The following BPHL variants were observed in gnomAD, a reference collection of about 807,000 sequenced individuals.
The protein encoded by BPHL is biphenyl hydrolase like, also known as serine hydrolase BPHL.
In BPHL, 27 loss-of-function variants were observed where a neutral mutation model predicts 31.2. The observed-to-expected ratio is 0.87, with a 90% confidence interval of 0.64 to 1.19. BPHL has a LOEUF of 1.19. BPHL is among the 50% of genes most tolerant of loss of function. The pLI, the probability that BPHL is intolerant of heterozygous loss-of-function variation, is 0.00. For synonymous variants in BPHL, 150 were observed against 146.8 expected, an observed-to-expected ratio of 1.02 and a Z score of -0.16; for missense variants, 356 against 375.7, an observed-to-expected ratio of 0.95 and a Z score of 0.43.
rs1052471126 is a variant in BPHL at position 3,140,648 on chromosome 6, C to T, written c.788+139C>T. 2.3e-5 allele frequency: 31 copies of T among 1,325,250 alleles called. No homozygotes were observed. Among genetic ancestry groups the T allele is most frequent in the African/African-American group, 7.3e-5 (5 of 68,228 alleles). 82.1% of individuals were successfully genotyped at this position (1,325,250 alleles called of 1,614,324 possible). On this transcript the variant is annotated intron_variant, in intron 6 of 6. Transcript: ENST00000380379. The surrounding 1 kb of genome is among the most constrained non-coding windows in gnomAD (Gnocchi z 5.2). Reference sequence around the variant, plus strand: ...TTTTGCCAATGCCAGTCAGTAGCACCGCTTTATTTAGGGTACCACGGAAGA... The same window carrying T: ...TTTTGCCAATGCCAGTCAGTAGCACTGCTTTATTTAGGGTACCACGGAAGA...
chr6:3,148,144 G>A (rs1003093420), intron 6 of BPHL, among the ~76,000 whole-genome samples: 1 of 152,248 alleles, frequency 6.6e-6, no homozygotes, highest in Non-Finnish European at 1.5e-5. Flanking sequence ...CAGTCACAGG[G>A]TGAAGGGCTG....
chr6:3,143,669 T>G (rs559570808), intron 6 of BPHL, among the ~76,000 whole-genome samples: 1 of 152,336 alleles, frequency 6.6e-6, no homozygotes, highest in South Asian at 2.1e-4. Flanking sequence ...GCGGTCGTAA[T>G]AGATTAGGAC....
At chr6:3,120,744 T>C (rs978999998) in intron 1 of BPHL, among the ~76,000 whole-genome samples, 5 of 152,260 alleles carry the variant, frequency 3.3e-5, no homozygotes, top group African/African-American at 1.2e-4. Context: ...TTGGATATTA[T>C]GTGCAGTTAT....
At chr6:3,135,241 A>T (rs1561794345) in intron 4 of BPHL, among the ~76,000 whole-genome samples, 1 of 152,194 alleles carries the variant, frequency 6.6e-6, no homozygotes, top group Non-Finnish European at 1.5e-5. Flanking sequence ...TTTACCAACA[A>T]GTGTCTTTTC....
intron 1 of BPHL, 101 bp downstream of exon 1, chr6:3,118,948 A>T: frequency 9.9e-7 from 1 of 1,014,534 alleles, no homozygotes; most frequent in Non-Finnish European, 1.3e-6. Context: ...GCGCGCGGGC[A>T]CGGGGCGTGG....
intron 6 of BPHL, among the ~76,000 whole-genome samples, chr6:3,145,914 T>G (rs866606154): frequency 1.6e-3 from 47 of 29,070 alleles, no homozygotes; most frequent in East Asian, 3.7e-3. Flanking sequence ...CTGGTTTGGG[T>G]TGGAGTGCTG....
chr6:3,124,501 CT>C (rs1179832408), intron 2 of BPHL, among the ~76,000 whole-genome samples: 1 of 152,190 alleles, frequency 6.6e-6, no homozygotes, highest in Non-Finnish European at 1.5e-5. Flanking sequence ...ATCCCAAAAT[CT>C]GAGGATCCTC....
intron 5 of BPHL, chr6:3,139,795 C>G (rs1762120130): frequency 6.6e-6 from 1 of 152,376 alleles, no homozygotes; most frequent in Non-Finnish European, 1.5e-5. Flanking sequence ...AACTGCAGTA[C>G]AGGGACTAGG....
chr6:3,134,438 C>CTTTTT (rs554446648), intron 4 of BPHL, among the ~76,000 whole-genome samples: 1 of 132,578 alleles, frequency 7.5e-6, no homozygotes, highest in African/African-American at 2.9e-5. Context: ...CTTTTCTTTC[C>CTTTTT]TTTTTTTTTT....
intron 4 of BPHL, among the ~76,000 whole-genome samples, chr6:3,133,225 T>C (rs9632529): frequency 0.097 from 14,728 of 152,014 alleles, 1,850 homozygotes; most frequent in African/African-American, 0.29. Flanking sequence ...GGCCTGCAGC[T>C]CACTGCACTC....
intron 6 of BPHL, among the ~76,000 whole-genome samples, chr6:3,144,937 T>C (rs1329198669): frequency 6.6e-6 from 1 of 152,190 alleles, no homozygotes; most frequent in Non-Finnish European, 1.5e-5. Flanking sequence ...GGAAAGTCCA[T>C]GTGGCACAGA....
rs148622332 is a variant in BPHL at position 3,123,693 on chromosome 6, C to T, written c.144C>T (p.Gly48=). Residue 48 remains glycine, a synonymous_variant, in exon 2 of 7, where the codon GGC becomes GGT. Transcript: ENST00000380379. The part of the protein sequence containing the change: ...SVTSAKVAVN[G]VQLHYQQTGE... ...CCTCTGCCAAAGTGGCTGTGAATGG[C>T]GTTCAGCTGCATTACCAGCAGACTG... 496 of 1,613,796 alleles carry T rather than the reference C, an allele frequency of 3.1e-4. 3 individuals are homozygous for T. Among genetic ancestry groups the T allele is most frequent in the Non-Finnish European group, 1.5e-4 (177 of 1,179,828 alleles).
intron 4 of BPHL, among the ~76,000 whole-genome samples, chr6:3,134,760 G>A (rs1277448360): frequency 1.3e-5 from 2 of 151,954 alleles, no homozygotes; most frequent in Non-Finnish European, 2.9e-5. Flanking sequence ...CTGCCACCAC[G>A]CCCGGCTATT....
chr6:3,123,403 G>C (rs1254157465), intron 1 of BPHL, among the ~76,000 whole-genome samples: 1 of 152,204 alleles, frequency 6.6e-6, no homozygotes, highest in Non-Finnish European at 1.5e-5. Context: ...TGTTTCGATA[G>C]ATACAAGGTG....
At chr6:3,125,149 G>A (rs1452533595) in intron 2 of BPHL, among the ~76,000 whole-genome samples, 1 of 151,376 alleles carries the variant, frequency 6.6e-6, no homozygotes, top group Non-Finnish European at 1.5e-5. Context: ...AGGTTCAAGC[G>A]ATTCTCCTGC....
chr6:3,151,896 G>A (rs1201524456), intron 6 of BPHL, among the ~76,000 whole-genome samples: 2 of 152,192 alleles, frequency 1.3e-5, no homozygotes, highest in Non-Finnish European at 2.9e-5. Flanking sequence ...AGGGCTGCTG[G>A]CATGGGCTCA....
rs769170864 is a variant in BPHL at position 3,122,294 on chromosome 6, T to TAA, written c.108-1359_108-1358dup. On this transcript the variant is annotated intron_variant, in intron 1 of 6. Transcript: ENST00000380379. ...GACTCCATCTCAAAAAATAAATAAATAAAAATAAAAATAAAAGGAGATGGT... is the reference window on the plus strand; with the variant it reads ...GACTCCATCTCAAAAAATAAATAAATAAAAAAATAAAAATAAAAGGAGATGGT... Among the ~76,000 whole-genome samples the TAA allele has an allele frequency of 1.4e-3, 217 of 151,938 alleles. 1 individual carries two copies. Among genetic ancestry groups the TAA allele is most frequent in the Non-Finnish European group, 2.5e-3 (169 of 67,958 alleles).
intron 5 of BPHL, 116 bp downstream of exon 5, chr6:3,137,609 A>G (rs1762050173): frequency 4.3e-6 from 6 of 1,393,876 alleles, no homozygotes; most frequent in African/African-American, 1.4e-5. Flanking sequence ...TCACACGCTC[A>G]TGTGTGAGCA....
intron 1 of BPHL, 60 bp downstream of exon 1, chr6:3,118,907 G>C: frequency 8.3e-7 from 1 of 1,201,250 alleles, no homozygotes; most frequent in Non-Finnish European, 1.0e-6. Context: ...GGGGCGGCGG[G>C]AGGGGCGCGT....
Sources: gnomAD v4.1 joint callset for allele counts (sites outside exome capture counted in the v4.1 genomes callset) on GRCh38, gnomAD v4.1.1 for gene constraint, Gnocchi (gnomAD v3.1) non-coding constraint, MANE v1.5 for transcripts, NCBI Gene and HGNC (gene_info 2026-07-23, HGNC 2026-07-21) for gene names.